Variants in DTNA observed in about 807,000 individuals in gnomAD.
DTNA encodes dystrobrevin alpha.
In DTNA, 43 loss-of-function variants were observed where a neutral mutation model predicts 100.7. The observed-to-expected ratio is 0.43, with a 90% confidence interval of 0.33 to 0.55. The LOEUF (loss-of-function observed/expected upper bound fraction) is 0.55. Among genes scored for constraint, DTNA ranks in the 20% least tolerant of loss-of-function variants. The probability of loss-of-function intolerance (pLI) is 0.04; values close to 1 mark genes in which losing one functional copy is unlikely to be tolerated. For missense variants in DTNA, 798 were observed against 953.9 expected (o/e 0.84, Z 2.15); for synonymous variants, 349 against 347.9 (o/e 1.00, Z -0.04).
At position 34,858,269 on chromosome 18, in the gene DTNA, C is replaced by T. The variant is rs765667248; in HGVS notation, c.1533-16C>T. On this transcript the variant is annotated splice_polypyrimidine_tract_variant and intron_variant, in intron 15 of 22. Coordinates refer to ENST00000444659, the MANE Select transcript of DTNA (RefSeq NM_001386795.1). ...CTAACTAACCTTGGTTTCTCACCTT[C>T]CTCCTCTCTCCCAAGAGAAATCTTA... is the stretch of plus-strand genomic sequence containing the variant. The T allele has an allele frequency of 1.2e-6, 2 of 1,613,136 alleles. No homozygotes were observed. The highest frequency in any genetic ancestry group is 1.1e-5 in the South Asian group (1 of 90,980).
chr18:34,580,482 T>C (rs900068374), intron 1 of DTNA, among the ~76,000 whole-genome samples: 1 of 152,166 alleles, frequency 6.6e-6, no homozygotes, highest in Non-Finnish European at 1.5e-5. Flanking sequence ...GTCGGGGGGA[T>C]GCAGGGAGAC....
At chr18:34,696,965 T>C (rs1323300629) in intron 1 of DTNA, among the ~76,000 whole-genome samples, 1 of 152,156 alleles carries the variant, frequency 6.6e-6, no homozygotes, top group African/African-American at 2.4e-5. Flanking sequence ...GCATTTTTGA[T>C]TGATGCCTGG....
At chr18:34,753,336 GATTT>G (rs71166025) in intron 1 of DTNA, among the ~76,000 whole-genome samples, 3 of 135,450 alleles carry the variant, frequency 2.2e-5, no homozygotes, top group African/African-American at 6.0e-5. Context: ...CATCCTTTGT[GATTT>G]ATTTATTTAT....
intron 9 of DTNA, chr18:34,821,457 A>T (rs1341477630): frequency 2.2e-6 from 1 of 456,238 alleles, no homozygotes; most frequent in Non-Finnish European, 4.4e-6. Flanking sequence ...ATATCCATAG[A>T]TTCTTTTCTT....
upstream of DTNA, among the ~76,000 whole-genome samples, chr18:34,707,478 G>A (rs1014350218): frequency 6.6e-6 from 1 of 152,094 alleles, no homozygotes; most frequent in African/African-American, 2.4e-5. Flanking sequence ...AGGGGTTAAA[G>A]AATCAACAGT....
intron 17 of DTNA, chr18:34,866,667 G>T: frequency 1.0e-6 from 1 of 1,003,254 alleles, no homozygotes; most frequent in Non-Finnish European, 1.2e-6. Context: ...ATTGAGCCTT[G>T]TTCCCCATGG....
At chr18:34,756,172 T>G in intron 2 of DTNA, 129 bp downstream of exon 2, 1 of 1,129,378 alleles carries the variant, frequency 8.9e-7, no homozygotes, top group South Asian at 1.4e-5. Flanking sequence ...TCATGAAGTG[T>G]ACATTTTGGC....
intron 4 of DTNA, among the ~76,000 whole-genome samples, chr18:34,805,867 T>A (rs2095348523): frequency 6.6e-6 from 1 of 152,216 alleles, no homozygotes; most frequent in Non-Finnish European, 1.5e-5. Flanking sequence ...CAAAAATCAT[T>A]TTATGAAACT....
At chr18:34,510,069 TTGTGTGTGTG>T (rs35805954) in intron 1 of DTNA, among the ~76,000 whole-genome samples, 6 of 144,960 alleles carry the variant, frequency 4.1e-5, no homozygotes, top group African/African-American at 1.5e-4. Context: ...GAGTGTAATT[TTGTGTGTGTG>T]TGTGTGTGTG....
intron 1 of DTNA, among the ~76,000 whole-genome samples, chr18:34,720,221 G>C (rs1171295728): frequency 6.6e-6 from 1 of 152,056 alleles, no homozygotes; most frequent in Non-Finnish European, 1.5e-5. Context: ...TTCAAAGTTT[G>C]GTTCTTATCT....
intron 17 of DTNA, among the ~76,000 whole-genome samples, chr18:34,870,171 TTA>T (rs2150252717): frequency 6.6e-6 from 1 of 152,324 alleles, no homozygotes; most frequent in Non-Finnish European, 1.5e-5. Flanking sequence ...TACATTGGTA[TTA>T]TGTTAAGTAA....
chr18:34,702,385 C>T (rs567002127), intron 1 of DTNA, among the ~76,000 whole-genome samples: 1 of 152,310 alleles, frequency 6.6e-6, no homozygotes, highest in South Asian at 2.1e-4. Context: ...AGAGACGATA[C>T]AAGTCAGAAA....
intron 13 of DTNA, among the ~76,000 whole-genome samples, chr18:34,844,501 A>G (rs1345079289): frequency 6.6e-6 from 1 of 152,072 alleles, no homozygotes; most frequent in Non-Finnish European, 1.5e-5. Flanking sequence ...TTTTGCTCTA[A>G]ACCAACTGCC....
At chr18:34,752,160 A>G (rs1225425442) in intron 1 of DTNA, among the ~76,000 whole-genome samples, 1 of 152,236 alleles carries the variant, frequency 6.6e-6, no homozygotes, top group Admixed American at 6.5e-5. Context: ...CTCATCGGTG[A>G]GCCATGTGCC....
At chr18:34,809,056 C>T (rs556693262) in intron 5 of DTNA, among the ~76,000 whole-genome samples, 102 of 152,110 alleles carry the variant, frequency 6.7e-4, no homozygotes, top group African/African-American at 2.3e-3. Flanking sequence ...ATCAATTTGA[C>T]CAAAAACAAT....
intron 4 of DTNA, among the ~76,000 whole-genome samples, chr18:34,805,131 G>T (rs1312243909): frequency 6.6e-6 from 1 of 152,090 alleles, no homozygotes; most frequent in Non-Finnish European, 1.5e-5. Context: ...TTACTAATAT[G>T]ATACAGTTTC....
intron 2 of DTNA, among the ~76,000 whole-genome samples, chr18:34,763,374 A>G (rs2093300688): frequency 6.6e-6 from 1 of 152,206 alleles, no homozygotes; most frequent in Non-Finnish European, 1.5e-5. Context: ...TTCCAGTGAC[A>G]ACTTAAGAAT....
chr18:34,514,694 G>A (rs928554147), intron 1 of DTNA, among the ~76,000 whole-genome samples: 3 of 152,078 alleles, frequency 2.0e-5, no homozygotes, highest in Non-Finnish European at 4.4e-5. Context: ...TTTGGTGCCT[G>A]TTGAGGTCCT....
chr18:34,864,442 A>G lies in DTNA; in HGVS notation c.1743+380A>G, dbSNP rs1400995014. On this transcript the variant is annotated intron_variant, in intron 17 of 22. Transcript: ENST00000444659. ...CTAATGTTTTGTATTTTTAGTAGAG[A>G]CGGGCTTTCACCGTGTTAGCCAGGA... 2.7e-5 allele frequency among the ~76,000 whole-genome samples: 4 copies of G among 149,870 alleles called. No homozygotes were observed. The South Asian group carries it at 8.5e-4, about 32-fold the overall frequency.
Sources: gnomAD v4.1 joint callset for allele counts (sites outside exome capture counted in the v4.1 genomes callset) on GRCh38, gnomAD v4.1.1 for gene constraint, MANE v1.5 for transcripts, NCBI Gene and HGNC (gene_info 2026-07-23, HGNC 2026-07-21) for gene names.